SLC24A4: variants seen among roughly 807,000 people sequenced by gnomAD.
SLC24A4 encodes solute carrier family 24 member 4.
In SLC24A4, 53 loss-of-function variants were observed where a neutral mutation model predicts 79.0. That is an observed-to-expected ratio of 0.67 (90% CI 0.54 to 0.84). SLC24A4 has a LOEUF of 0.84. SLC24A4 is among the 40% of genes least tolerant of loss of function. The pLI is 0.00. For missense variants in SLC24A4, 731 were observed against 822.0 expected, an observed-to-expected ratio of 0.89 and a Z score of 1.35; for synonymous variants, 323 against 323.8, an observed-to-expected ratio of 1.00 and a Z score of 0.03.
chr14:92,484,854 A>G lies in SLC24A4; in HGVS notation c.1423-1812A>G, dbSNP rs899265387. 4.1e-6 allele frequency: 4 copies of G among 985,312 alleles called. No individual in the cohort carries two copies. In the Admixed American group the frequency reaches 1.8e-4, roughly 45 times the overall value. The allele number at this position is 985,312 out of a possible 1,614,324, so 61.0% of individuals were successfully genotyped here. A position where few individuals can be genotyped will look rare whatever the true frequency, so the allele number is the denominator to read the frequency against. On this transcript the variant is annotated intron_variant, in intron 13 of 16. Transcript: ENST00000532405. Reference sequence around the variant, plus strand: ...GCCAATTAAGGGTGATTACCTGGTAACAGTCAGATGATCATGAGCGTTGCT... The same window carrying G: ...GCCAATTAAGGGTGATTACCTGGTAGCAGTCAGATGATCATGAGCGTTGCT...
intron 3 of SLC24A4, among the ~76,000 whole-genome samples, chr14:92,437,045 A>G (rs1484495918): frequency 6.6e-6 from 1 of 152,222 alleles, no homozygotes; most frequent in African/African-American, 2.4e-5. Flanking sequence ...ATTGATGAGT[A>G]TCACTGTTTT....
rs1239331542 is a variant in SLC24A4, at chr14:92,495,462, A to C, written c.*1834A>C. 1 of 152,170 alleles carries C rather than the reference A, an allele frequency of 6.6e-6. No individual in the cohort carries two copies. The highest frequency in any genetic ancestry group is 2.4e-5 in the African/African-American group (1 of 41,408). 9.4% of individuals were successfully genotyped at this position (152,170 alleles called of 1,614,324 possible). A position where few individuals can be genotyped will look rare whatever the true frequency, so the allele number is the denominator to read the frequency against. On this transcript the variant is annotated 3_prime_UTR_variant, in exon 17 of 17. Transcript: ENST00000532405. ...GGTGATTTTCCTAAGAAATCAGCAA[A>C]GAGGGAAGGCAGGGCCCCTGTAGAT...
intron 2 of SLC24A4, among the ~76,000 whole-genome samples, chr14:92,347,693 G>A (rs908717989): frequency 1.3e-5 from 2 of 152,084 alleles, no homozygotes; most frequent in African/African-American, 4.8e-5. Flanking sequence ...CTTTGGGAGG[G>A]CGAGGTGGGT....
At chr14:92,367,748 A>T (rs941887949) in intron 2 of SLC24A4, among the ~76,000 whole-genome samples, 1 of 152,214 alleles carries the variant, frequency 6.6e-6, no homozygotes, top group Non-Finnish European at 1.5e-5. Context: ...ACCCTCAGTC[A>T]CTGTCTGCCC....
chr14:92,474,864 T>TATATATATATATATATATA lies in SLC24A4; in HGVS notation c.1256-7816_1256-7815insATATATATATATATATATA, dbSNP rs1491176639. Among the ~76,000 whole-genome samples the TATATATATATATATATATA allele has an allele frequency of 4.0e-3, 154 of 38,892 alleles. 7 individuals are homozygous for TATATATATATATATATATA. Among genetic ancestry groups the TATATATATATATATATATA allele is most frequent in the Middle Eastern group, 0.03 (3 of 100 alleles). The allele number at this position is 38,892 out of a possible 152,430, so 25.5% of individuals were successfully genotyped here. Reference sequence around the variant, plus strand: ...GTGTGTATATATATATATATATATATTTTTTTTTTTTTTAGTAGACACAGG... The same window carrying TATATATATATATATATATA: ...GTGTGTATATATATATATATATATATATATATATATATATATATATTTTTTTTTTTTTAGTAGACACAGG... On this transcript the variant is annotated intron_variant, in intron 12 of 16. Coordinates refer to ENST00000532405, the MANE Select transcript of SLC24A4 (RefSeq NM_153646.4).
intron 2 of SLC24A4, among the ~76,000 whole-genome samples, chr14:92,386,642 A>G (rs1319111383): frequency 1.3e-5 from 2 of 152,180 alleles, no homozygotes; most frequent in Admixed American, 6.5e-5. Flanking sequence ...CTCACCCTAA[A>G]AGGCAGTTAA....
rs1182599299 is a variant in SLC24A4 at position 92,497,140 on chromosome 14, G to C, written c.*3512G>C. On this transcript the variant is annotated 3_prime_UTR_variant, in exon 17 of 17. Transcript: ENST00000532405. ...TTCACCTGCTCCTTACCCCTCACCT[G>C]TTAGGACTGTTTCTTGCTTTTGCCC... is the stretch of plus-strand genomic sequence containing the variant. 6.6e-6 allele frequency: 1 copy of C among 152,286 alleles called. No homozygotes were observed. 9.4% of individuals were successfully genotyped at this position (152,286 alleles called of 1,614,324 possible). A position where few individuals can be genotyped will look rare whatever the true frequency, so the allele number is the denominator to read the frequency against.
chr14:92,360,376 C>T (rs2141663864), intron 2 of SLC24A4, among the ~76,000 whole-genome samples: 1 of 152,356 alleles, frequency 6.6e-6, no homozygotes, highest in South Asian at 2.1e-4. Context: ...GCTGGGATTA[C>T]AGGCATGTGC....
rs757454862 is a variant in SLC24A4, at chr14:92,442,082, G to A, written c.394-7G>A. The A allele has an allele frequency of 9.9e-6, 16 of 1,612,902 alleles. No individual in the cohort carries two copies. The highest frequency in any genetic ancestry group is 1.7e-5 in the Admixed American group (1 of 60,000). The stretch of plus-strand genomic sequence containing the variant: ...ACCCTGAGGGTCTGTGGTCACTTCC[G>A]TTTCAGAGACTCCATCTGAGCGAAG... On this transcript the variant is annotated splice_region_variant and splice_polypyrimidine_tract_variant and intron_variant, in intron 4 of 16. Coordinates refer to ENST00000532405, the MANE Select transcript of SLC24A4 (RefSeq NM_153646.4).
chr14:92,460,970 T>C (rs187422558), intron 12 of SLC24A4, among the ~76,000 whole-genome samples: 1 of 152,276 alleles, frequency 6.6e-6, no homozygotes, highest in East Asian at 1.9e-4. Context: ...GGCTGGTAAT[T>C]AGGCCTCCCA....
intron 2 of SLC24A4, among the ~76,000 whole-genome samples, chr14:92,377,057 C>A (rs529591984): frequency 6.6e-6 from 1 of 152,314 alleles, no homozygotes; most frequent in South Asian, 2.1e-4. Context: ...CCAGTTATCC[C>A]AGTAGCCTGG....
chr14:92,469,748 T>A (rs12883073), intron 12 of SLC24A4, among the ~76,000 whole-genome samples: 102,542 of 152,066 alleles, frequency 0.67, 35,695 homozygotes, highest in Non-Finnish European at 0.76. Context: ...AAGGAATGGC[T>A]TACTGATAGA....
intron 12 of SLC24A4, among the ~76,000 whole-genome samples, chr14:92,474,841 G>GTGTGTGTGTGTA (rs1894658762): frequency 3.0e-5 from 1 of 33,788 alleles, no homozygotes; most frequent in Non-Finnish European, 7.2e-5. Context: ...GTGTGTGTGT[G>GTGTGTGTGTGTA]TGTATATATA....
chr14:92,334,759 T>A (rs976583770), intron 2 of SLC24A4, among the ~76,000 whole-genome samples: 2 of 152,122 alleles, frequency 1.3e-5, no homozygotes, highest in Admixed American at 1.3e-4. Flanking sequence ...AGGATTTCTC[T>A]TTTGTAAAAT....
chr14:92,357,088 T>C (rs765804879), intron 2 of SLC24A4, among the ~76,000 whole-genome samples: 12 of 152,208 alleles, frequency 7.9e-5, no homozygotes, highest in Non-Finnish European at 1.0e-4. Flanking sequence ...CCCCCCAGGA[T>C]TGGAACCTTA....
At chr14:92,474,863 A>ATTTTTT (rs34398420) in intron 12 of SLC24A4, among the ~76,000 whole-genome samples, 3 of 57,144 alleles carry the variant, frequency 5.2e-5, no homozygotes, top group African/African-American at 2.0e-4. Flanking sequence ...ATATATATAT[A>ATTTTTT]TTTTTTTTTT....
chr14:92,369,112 A>G (rs1888012495), intron 2 of SLC24A4, among the ~76,000 whole-genome samples: 1 of 152,158 alleles, frequency 6.6e-6, no homozygotes, highest in Non-Finnish European at 1.5e-5. Flanking sequence ...GCCCACCCAC[A>G]TGCCCACAGT....
In SLC24A4 at chr14:92,414,239, T is replaced by C. The variant is rs527656489; in HGVS notation, c.242-19673T>C. Among the ~76,000 whole-genome samples, 54 of 152,238 alleles carry C rather than the reference T, an allele frequency of 3.5e-4. No homozygotes were observed. The South Asian group carries it at 0.011, about 31-fold the overall frequency. On this transcript the variant is annotated intron_variant, in intron 2 of 16. Coordinates refer to ENST00000532405, the MANE Select transcript of SLC24A4 (RefSeq NM_153646.4). ...GGATGTTTAGCTACATCTCTGGCTC[T>C]ACCCACTAAATGCCAGTAGCACCCC...
chr14:92,420,688 G>A (rs1308984199), intron 2 of SLC24A4, among the ~76,000 whole-genome samples: 3 of 152,122 alleles, frequency 2.0e-5, no homozygotes, highest in Non-Finnish European at 2.9e-5. Flanking sequence ...TGGCCATACG[G>A]TCTAGTTAGA....
Sources: allele counts gnomAD v4.1 joint callset (sites outside exome capture counted in the v4.1 genomes callset), GRCh38; gene constraint gnomAD v4.1.1; transcripts MANE v1.5; gene names NCBI Gene and HGNC (gene_info 2026-07-23, HGNC 2026-07-21).